DCLRE1C: variants seen among roughly 807,000 people sequenced by gnomAD.
DCLRE1C encodes the protein protein artemis.
Under a neutral mutation model 61.4 loss-of-function variants are expected in DCLRE1C, and 47 were observed. That is an observed-to-expected ratio of 0.77 (90% CI 0.61 to 0.98). The LOEUF is 0.98. Ranked by LOEUF, DCLRE1C falls within the 50% of genes least tolerant of loss-of-function variation. The pLI is 0.00. For missense variants in DCLRE1C, 858 were observed against 816.0 expected (o/e 1.05, Z -0.63); for synonymous variants, 337 against 287.6 (o/e 1.17, Z -1.74).
intron 9 of DCLRE1C, among the ~76,000 whole-genome samples, chr10:14,928,638 C>A (rs1052360323): frequency 6.6e-6 from 1 of 152,124 alleles, no homozygotes; most frequent in Admixed American, 6.6e-5. Flanking sequence ...TCAAGAGCCA[C>A]AGGCTGAAGG....
exon 14 of DCLRE1C, chr10:14,897,570 T>C: frequency 7.1e-7 from 1 of 1,405,106 alleles, no homozygotes; most frequent in East Asian, 2.4e-5. Context: ...TTTATACTTT[T>C]GGAAAATTAC....
upstream of DCLRE1C, chr10:14,954,164 G>T (rs111503371): frequency 1.8e-4 from 234 of 1,336,378 alleles, no homozygotes; most frequent in African/African-American, 3.0e-3. Flanking sequence ...GAGACCGGGG[G>T]CAAAGTCAAG....
At chr10:14,920,466 G>T (rs1164404321) in intron 12 of DCLRE1C, 1 of 991,584 alleles carries the variant, frequency 1.0e-6, no homozygotes, top group Non-Finnish European at 1.2e-6. Context: ...CATTTGAACA[G>T]GGCCATGAGG....
rs1425950813 is a variant in DCLRE1C at position 14,946,858 on chromosome 10, T to C, written c.162-1669A>G. Among the ~76,000 whole-genome samples, 3 of 152,046 alleles carry C rather than the reference T, an allele frequency of 2.0e-5. No individual in the cohort carries two copies. The East Asian group carries it at 5.8e-4, about 29-fold the overall frequency. ...GTTTCAAACTCCTATGCTCAGGTCA[T>C]CCTCCCACCTCAGCTTCCCAAAGGC... On this transcript the variant is annotated intron_variant, in intron 2 of 13. Coordinates refer to ENST00000378278, the MANE Select transcript of DCLRE1C (RefSeq NM_001033855.3).
At position 14,908,088 on chromosome 10, in the gene DCLRE1C, A is replaced by C. The variant is rs1227614048; in HGVS notation, c.*320T>G. On this transcript the variant is annotated 3_prime_UTR_variant, in exon 14 of 14. Transcript: ENST00000378278. ...AGACTAGAGGTGCAGTGGCACAGTC[A>C]TGGCTCACTGCAGCCTCAATCTCCT... 6.9e-6 allele frequency: 2 copies of C among 291,822 alleles called. No individual in the cohort carries two copies. Among genetic ancestry groups the C allele is most frequent in the Non-Finnish European group, 6.3e-6 (1 of 158,960 alleles). 18.1% of individuals were successfully genotyped at this position (291,822 alleles called of 1,614,324 possible).
chr10:14,932,644 A>G (rs540996967), intron 9 of DCLRE1C, among the ~76,000 whole-genome samples: 19 of 152,320 alleles, frequency 1.2e-4, no homozygotes, highest in Non-Finnish European at 2.1e-4. Flanking sequence ...TCAAAAAAAA[A>G]AAGTACAGAT....
intron 3 of DCLRE1C, among the ~76,000 whole-genome samples, chr10:14,940,357 C>T (rs397801554): frequency 6.7e-5 from 10 of 150,314 alleles, no homozygotes; most frequent in Non-Finnish European, 1.3e-4. Context: ...GGTGTGGTAT[C>T]GGCTCACTGC....
chr10:14,931,577 A>G (rs1838998974), intron 9 of DCLRE1C, among the ~76,000 whole-genome samples: 1 of 151,234 alleles, frequency 6.6e-6, no homozygotes, highest in Non-Finnish European at 1.5e-5. Context: ...CAAAACAACA[A>G]AAAACAAAAG....
intron 8 of DCLRE1C, 66 bp downstream of exon 8, chr10:14,934,314 C>G: frequency 6.4e-7 from 1 of 1,562,952 alleles, no homozygotes; most frequent in Non-Finnish European, 8.6e-7. Flanking sequence ...GGCAACATAG[C>G]AAGACTCCCT....
chr10:14,913,324 T>C (rs992002245), intron 13 of DCLRE1C, among the ~76,000 whole-genome samples: 8 of 152,268 alleles, frequency 5.3e-5, no homozygotes, highest in African/African-American at 1.7e-4. Context: ...GTGGGGATGA[T>C]TGTACAATTC....
Position 14,919,848 on chromosome 10 carries a change from A to G in DCLRE1C, c.1062-16T>C. 1 of 1,588,014 alleles carries G rather than the reference A, an allele frequency of 6.3e-7. No homozygotes were observed. Among genetic ancestry groups the G allele is most frequent in the Non-Finnish European group, 8.6e-7 (1 of 1,156,292 alleles). ...AGGCTTTAAGCTGAAATGAATCAGA[A>G]TATTTGATTTTTCCTTTTGAGGAAG... On this transcript the variant is annotated splice_polypyrimidine_tract_variant and intron_variant, in intron 12 of 13. Transcript: ENST00000378278.
chr10:14,940,658 G>C (rs1446586367), intron 3 of DCLRE1C, among the ~76,000 whole-genome samples: 1 of 152,148 alleles, frequency 6.6e-6, no homozygotes, highest in Non-Finnish European at 1.5e-5. Flanking sequence ...ACAGAGACTA[G>C]CACATAAGAG....
In DCLRE1C at chr10:14,917,119, A is replaced by G. The variant is rs114952402; in HGVS notation, c.1156+2619T>C. On this transcript the variant is annotated intron_variant, in intron 13 of 13. Coordinates refer to ENST00000378278, the MANE Select transcript of DCLRE1C (RefSeq NM_001033855.3). ...CACATATCTTGTAAATTGACTCTCA[A>G]GAAAAGTGCTAAAGCAATTCAGTGA... Among the ~76,000 whole-genome samples the G allele has an allele frequency of 6.8e-3, 1,042 of 152,368 alleles. 9 individuals carry two copies. The highest frequency in any genetic ancestry group is 0.022 in the African/African-American group (912 of 41,578).
chr10:14,939,273 C>A (rs954255328), intron 4 of DCLRE1C, among the ~76,000 whole-genome samples: 4 of 152,028 alleles, frequency 2.6e-5, no homozygotes, highest in African/African-American at 9.7e-5. Context: ...CCCTTCTCTA[C>A]TAAAAATACA....
intron 13 of DCLRE1C, chr10:14,899,407 A>C (rs1328215825): frequency 1.1e-6 from 1 of 927,778 alleles, no homozygotes; most frequent in Non-Finnish European, 1.6e-6. Context: ...GTTTGTGTGA[A>C]TGTTTGCTTT....
Position 14,908,196 on chromosome 10 carries a change from A to T in DCLRE1C, c.*212T>A. 7 of 213,970 alleles carry T rather than the reference A, an allele frequency of 3.3e-5. No homozygotes were observed. Among genetic ancestry groups the T allele is most frequent in the Non-Finnish European group, 3.7e-5 (5 of 133,898 alleles). The allele number at this position is 213,970 out of a possible 1,614,324, so 13.3% of individuals were successfully genotyped here. ...TTTTTTTTTTTTTTTTTGTAAGTAGAGACACATTTCACTGTGTTGGCCAGG... is the reference window on the plus strand; with the variant it reads ...TTTTTTTTTTTTTTTTTGTAAGTAGTGACACATTTCACTGTGTTGGCCAGG... On this transcript the variant is annotated 3_prime_UTR_variant, in exon 14 of 14. Coordinates refer to ENST00000378278, the MANE Select transcript of DCLRE1C (RefSeq NM_001033855.3).
At chr10:14,927,981 T>G in intron 10 of DCLRE1C, 35 bp downstream of exon 10, 1 of 1,610,606 alleles carries the variant, frequency 6.2e-7, no homozygotes, top group Non-Finnish European at 8.5e-7. Flanking sequence ...TTACTCAAAG[T>G]TTCTCTCAGA....
At chr10:14,921,212 C>T (rs571556241) in intron 12 of DCLRE1C, among the ~76,000 whole-genome samples, 44 of 150,876 alleles carry the variant, frequency 2.9e-4, no homozygotes, top group South Asian at 8.4e-4. Context: ...CCCAGCTACT[C>T]GGGAGGCTGA....
intron 3 of DCLRE1C, 45 bp downstream of exon 3, chr10:14,945,060 C>A (rs1047706669): frequency 1.4e-6 from 2 of 1,459,100 alleles, no homozygotes; most frequent in Non-Finnish European, 1.9e-6. Context: ...TCTAAAAATA[C>A]TTCCCACTTA....
Sources: allele counts gnomAD v4.1 joint callset (sites outside exome capture counted in the v4.1 genomes callset), GRCh38; gene constraint gnomAD v4.1.1; transcripts MANE v1.5; gene names NCBI Gene and HGNC (gene_info 2026-07-23, HGNC 2026-07-21).